AGPAT3: variants seen among roughly 807,000 people sequenced by gnomAD.
The protein encoded by AGPAT3 is 1-acyl-sn-glycerol-3-phosphate acyltransferase gamma.
In AGPAT3, 5 loss-of-function variants were observed where a neutral mutation model predicts 47.3. The observed-to-expected ratio is 0.11, with a 90% CI of 0.06 to 0.22. The LOEUF is 0.22. Among genes scored for constraint, AGPAT3 ranks in the 10% least tolerant of loss-of-function variants. AGPAT3 has a pLI of 1.00. For synonymous variants in AGPAT3, 212 were observed against 208.3 expected, an observed-to-expected ratio of 1.02 and a Z score of -0.15; for missense variants, 315 against 493.0, an observed-to-expected ratio of 0.64 and a Z score of 3.42.
chr21:43,921,954 G>A (rs911330016), intron 2 of AGPAT3, among the ~76,000 whole-genome samples: 19 of 152,112 alleles, frequency 1.2e-4, no homozygotes, highest in Non-Finnish European at 2.9e-5. Context: ...GCTCCCCGGG[G>A]GTCACCATCA....
chr21:43,937,625 G>A (rs563424222), intron 2 of AGPAT3, among the ~76,000 whole-genome samples: 51 of 152,248 alleles, frequency 3.3e-4, no homozygotes, highest in African/African-American at 1.2e-3. Context: ...GTGCAGTGGC[G>A]CAATCGTGGC....
intron 1 of AGPAT3, among the ~76,000 whole-genome samples, chr21:43,871,231 G>T (rs969463860): frequency 6.6e-6 from 1 of 152,170 alleles, no homozygotes; most frequent in African/African-American, 2.4e-5. Flanking sequence ...AAAATCCCAA[G>T]AATTTATGTG....
chr21:43,980,491 TC>T lies in AGPAT3; in HGVS notation c.844-495del, dbSNP rs370406768. On this transcript the variant is annotated intron_variant, in intron 8 of 9. Transcript: ENST00000291572. ...TGGCCCTGGCCAGGCTCCTCTCTCC[TC>T]CCAGCTCCTCATTAGCCTCCTTTGC... is the stretch of plus-strand genomic sequence containing the variant. 3.8e-4 allele frequency among the ~76,000 whole-genome samples: 58 copies of T among 152,292 alleles called. 1 individual carries two copies. The Middle Eastern group carries it at 0.02, about 54-fold the overall frequency.
intron 2 of AGPAT3, among the ~76,000 whole-genome samples, chr21:43,956,508 A>G (rs371747558): frequency 1.3e-5 from 2 of 152,360 alleles, no homozygotes. Context: ...AGTTAAGCCC[A>G]TAAAAAGTGT....
At position 43,952,576 on chromosome 21, in the gene AGPAT3, A is replaced by G. The variant is rs954412397; in HGVS notation, c.-48-7058A>G. Among the ~76,000 whole-genome samples, 2 of 152,214 alleles carry G rather than the reference A, an allele frequency of 1.3e-5. No individual in the cohort carries two copies. The highest frequency in any genetic ancestry group is 4.8e-5 in the African/African-American group (2 of 41,462). ...CACCCCGGTAGCTTGTGCAGGGGCC[A>G]GGACAAAACCCAAGAAGCAGCCATC... On this transcript the variant is annotated intron_variant, in intron 2 of 9. Transcript: ENST00000291572. The surrounding 1 kb of genome is among the most constrained non-coding windows in gnomAD (Gnocchi z 5.6).
chr21:43,960,442 G>A (rs1037901880), intron 3 of AGPAT3, among the ~76,000 whole-genome samples: 2 of 152,218 alleles, frequency 1.3e-5, no homozygotes, highest in Admixed American at 1.3e-4. Flanking sequence ...ACCGGGCGTC[G>A]TGGGGACATG....
At chr21:43,916,869 G>A (rs1035161251) in intron 2 of AGPAT3, among the ~76,000 whole-genome samples, 1 of 152,136 alleles carries the variant, frequency 6.6e-6, no homozygotes. Flanking sequence ...GTTTCACTTC[G>A]GTCGAGTTTT....
intron 1 of AGPAT3, among the ~76,000 whole-genome samples, chr21:43,869,274 G>C (rs973340207): frequency 5.3e-5 from 8 of 152,170 alleles, no homozygotes; most frequent in Non-Finnish European, 1.0e-4. Context: ...GCTGATGATT[G>C]GGTTAAGCTT....
chr21:43,971,341 T>G, intron 6 of AGPAT3, 47 bp from the exon 7 acceptor site: 3 of 1,569,796 alleles, frequency 1.9e-6, no homozygotes, highest in Non-Finnish European at 2.6e-6. Context: ...GCAGTGACCA[T>G]GCAGCCGCCT....
chr21:43,881,779 C>T (rs1227677414), intron 1 of AGPAT3, among the ~76,000 whole-genome samples: 1 of 152,144 alleles, frequency 6.6e-6, no homozygotes, highest in African/African-American at 2.4e-5. Context: ...TCTCAGCCTC[C>T]TGAGTAGCTG....
chr21:43,906,243 G>A (rs1201086099), intron 2 of AGPAT3, among the ~76,000 whole-genome samples: 2 of 152,158 alleles, frequency 1.3e-5, no homozygotes, highest in African/African-American at 4.8e-5. Context: ...CAAACCGGGT[G>A]ACTGTCAGTG....
At chr21:43,879,301 G>T (rs1166799654) in intron 1 of AGPAT3, among the ~76,000 whole-genome samples, 2 of 136,742 alleles carry the variant, frequency 1.5e-5, no homozygotes, top group African/African-American at 5.6e-5. Flanking sequence ...AGTGCGCTGA[G>T]ATTGTGCCAC....
intron 2 of AGPAT3, among the ~76,000 whole-genome samples, chr21:43,909,894 G>A (rs1369676788): frequency 1.3e-5 from 2 of 152,104 alleles, no homozygotes; most frequent in African/African-American, 4.8e-5. Flanking sequence ...CCGGTGGGGA[G>A]GGGGGCCCAG....
In AGPAT3 at chr21:43,986,349, G is replaced by T. The variant is rs2030299768; in HGVS notation, c.*3957G>T. 6.6e-6 allele frequency: 1 copy of T among 152,422 alleles called. No homozygotes were observed. Among genetic ancestry groups the T allele is most frequent in the Admixed American group, 6.5e-5 (1 of 15,288 alleles). The allele number at this position is 152,422 out of a possible 1,614,324, so 9.4% of individuals were successfully genotyped here. ...TGTCGCCGGCCCAGGCAACAGCAGC[G>T]TACGCTTTTCAAAGATCATTGAGTT... is the stretch of plus-strand genomic sequence containing the variant. On this transcript the variant is annotated 3_prime_UTR_variant, in exon 10 of 10. Transcript: ENST00000291572.
chr21:43,965,822 C>T (rs1391274811), intron 3 of AGPAT3: 1 of 152,012 alleles, frequency 6.6e-6, no homozygotes, highest in South Asian at 2.1e-4. Context: ...CATGCTTCCC[C>T]AGCTGGTCTT....
chr21:43,873,709 A>G (rs1308113276), intron 1 of AGPAT3, among the ~76,000 whole-genome samples: 1 of 152,172 alleles, frequency 6.6e-6, no homozygotes, highest in Non-Finnish European at 1.5e-5. Flanking sequence ...CAAAGGTCAG[A>G]ATATTTTCTT....
chr21:43,943,161 G>A (rs541723375), intron 2 of AGPAT3, among the ~76,000 whole-genome samples: 3 of 152,064 alleles, frequency 2.0e-5, no homozygotes, highest in Non-Finnish European at 4.4e-5. Flanking sequence ...TGCAAGCTCC[G>A]TCTCCCAGGT....
intron 2 of AGPAT3, among the ~76,000 whole-genome samples, chr21:43,931,955 G>A (rs1228089566): frequency 1.6e-5 from 2 of 121,866 alleles, no homozygotes; most frequent in Admixed American, 8.7e-5. Flanking sequence ...GTGTGTGTGT[G>A]TGTGTGTGTG....
intron 2 of AGPAT3, among the ~76,000 whole-genome samples, chr21:43,916,920 T>C (rs2086744048): frequency 6.6e-6 from 1 of 152,140 alleles, no homozygotes; most frequent in Admixed American, 6.5e-5. Flanking sequence ...TGGAGTCTTG[T>C]TTGTGGCCGC....
Sources: allele counts gnomAD v4.1 joint callset (sites outside exome capture counted in the v4.1 genomes callset), GRCh38; gene constraint gnomAD v4.1.1; non-coding constraint Gnocchi (gnomAD v3.1); transcripts MANE v1.5; gene names NCBI Gene and HGNC (gene_info 2026-07-23, HGNC 2026-07-21).